Variants in SCMH1 observed in about 807,000 individuals in gnomAD.
SCMH1 encodes the protein polycomb protein SCMH1.
SCMH1 carries 37 observed loss-of-function variants against 70.8 expected under a neutral mutation model. The observed-to-expected ratio is 0.52, with a 90% CI of 0.40 to 0.69. The LOEUF (loss-of-function observed/expected upper bound fraction) is 0.69. SCMH1 is among the 30% of genes least tolerant of loss of function. The pLI, the probability that SCMH1 is intolerant of heterozygous loss-of-function variation, is 0.00. For missense variants in SCMH1, 607 were observed against 827.3 expected, an observed-to-expected ratio of 0.73 and a Z score of 3.27; for synonymous variants, 292 against 307.4, an observed-to-expected ratio of 0.95 and a Z score of 0.52.
chr1:41,041,421 A>T (rs1305469300), intron 12 of SCMH1: 1 of 151,282 alleles, frequency 6.6e-6, no homozygotes, highest in Non-Finnish European at 1.5e-5. Flanking sequence ...GTAGCTAAAA[A>T]TATTAGCAAC....
At chr1:41,154,690 T>A (rs1047605206) in intron 4 of SCMH1, among the ~76,000 whole-genome samples, 8 of 152,222 alleles carry the variant, frequency 5.3e-5, no homozygotes, top group African/African-American at 1.9e-4. Flanking sequence ...GAAAATCTCA[T>A]TCATCCTTGG....
intron 8 of SCMH1, among the ~76,000 whole-genome samples, chr1:41,110,311 C>G (rs1277255852): frequency 6.6e-6 from 1 of 152,200 alleles, no homozygotes; most frequent in Admixed American, 6.5e-5. Context: ...TAGATAATAG[C>G]TTTATTGACA....
At chr1:41,196,920 C>T (rs568836133) in intron 1 of SCMH1, among the ~76,000 whole-genome samples, 1 of 152,252 alleles carries the variant, frequency 6.6e-6, no homozygotes, top group Non-Finnish European at 1.5e-5. Context: ...AGAAGATATA[C>T]AGATGGCCAA....
At chr1:41,087,623 AC>A (rs1662109600) in intron 8 of SCMH1, among the ~76,000 whole-genome samples, 1 of 152,308 alleles carries the variant, frequency 6.6e-6, no homozygotes, top group African/African-American at 2.4e-5. Context: ...ACCAGTTCTC[AC>A]CCATCAGATT....
intron 1 of SCMH1, among the ~76,000 whole-genome samples, chr1:41,219,195 G>T (rs1189198053): frequency 6.6e-6 from 1 of 152,222 alleles, no homozygotes; most frequent in African/African-American, 2.4e-5. Context: ...CAATTCCATG[G>T]AAGGAGGGCA....
At chr1:41,119,454 A>AC (rs71062578) in intron 6 of SCMH1, among the ~76,000 whole-genome samples, 96,902 of 150,700 alleles carry the variant, frequency 0.64, 32,576 homozygotes, top group African/African-American at 0.84. Flanking sequence ...AAAAACAAAA[A>AC]AAAAAAAACC....
chr1:41,117,316 G>A (rs1364552444), intron 6 of SCMH1, among the ~76,000 whole-genome samples: 2 of 152,192 alleles, frequency 1.3e-5, no homozygotes, highest in Non-Finnish European at 2.9e-5. Flanking sequence ...GACATAGTGA[G>A]AAGTGACCAG....
intron 2 of SCMH1, among the ~76,000 whole-genome samples, chr1:41,183,465 C>T (rs1234085109): frequency 6.6e-6 from 1 of 152,140 alleles, no homozygotes. Context: ...TTCCCCTTTT[C>T]TCTATTTGGG....
At chr1:41,120,501 T>C (rs185234579) in intron 6 of SCMH1, among the ~76,000 whole-genome samples, 1 of 152,302 alleles carries the variant, frequency 6.6e-6, no homozygotes, top group African/African-American at 2.4e-5. Flanking sequence ...CCAAACTTTG[T>C]GGTTCTTTAC....
chr1:41,185,794 C>A (rs958329895), intron 2 of SCMH1, among the ~76,000 whole-genome samples: 29 of 152,008 alleles, frequency 1.9e-4, no homozygotes, highest in Non-Finnish European at 2.1e-4. Context: ...CGCCACCATG[C>A]CCACCAGTTT....
intron 2 of SCMH1, among the ~76,000 whole-genome samples, chr1:41,181,673 A>G (rs993723900): frequency 1.7e-4 from 26 of 152,298 alleles, no homozygotes; most frequent in African/African-American, 5.3e-4. Flanking sequence ...CAGTTAGAAT[A>G]GCAATCATTA....
intron 6 of SCMH1, among the ~76,000 whole-genome samples, chr1:41,138,195 T>A (rs536208454): frequency 6.6e-6 from 1 of 152,210 alleles, no homozygotes; most frequent in Non-Finnish European, 1.5e-5. Context: ...TGTAAAAGAC[T>A]TGGCTTTTTT....
At chr1:41,046,476 G>A (rs1646907112) in exon 12 of SCMH1, 1 of 1,614,090 alleles carries the variant, frequency 6.2e-7, no homozygotes, top group African/African-American at 1.3e-5. Flanking sequence ...TGTGTAAAGG[G>A]CTGGTTGCCA....
intron 6 of SCMH1, among the ~76,000 whole-genome samples, chr1:41,134,586 C>G (rs944669317): frequency 6.6e-6 from 1 of 152,214 alleles, no homozygotes; most frequent in Non-Finnish European, 1.5e-5. Context: ...TCTCAGGATA[C>G]AAAGTCAATA....
At chr1:41,226,447 A>G (rs1239120836) in intron 1 of SCMH1, among the ~76,000 whole-genome samples, 11 of 152,192 alleles carry the variant, frequency 7.2e-5, no homozygotes, top group African/African-American at 2.7e-4. Context: ...CATAAGGATT[A>G]CTTTTGTAAA....
chr1:41,183,999 A>C (rs951468925), intron 2 of SCMH1, among the ~76,000 whole-genome samples: 1 of 152,216 alleles, frequency 6.6e-6, no homozygotes, highest in Non-Finnish European at 1.5e-5. Context: ...AGATGAAAAA[A>C]GTTCTAGAGA....
At chr1:41,092,521 A>G (rs1663882025) in intron 8 of SCMH1, among the ~76,000 whole-genome samples, 1 of 152,204 alleles carries the variant, frequency 6.6e-6, no homozygotes, top group Admixed American at 6.5e-5. Flanking sequence ...AAATTGACAA[A>G]TGGGATCTAA....
intron 12 of SCMH1, among the ~76,000 whole-genome samples, chr1:41,039,453 A>G (rs1253300746): frequency 6.6e-6 from 1 of 151,972 alleles, no homozygotes; most frequent in African/African-American, 2.4e-5. Flanking sequence ...TTGGTAGGAC[A>G]GTGCCAGAAA....
chr1:41,239,618 C>T (rs1239295375), intron 1 of SCMH1, among the ~76,000 whole-genome samples: 1 of 152,186 alleles, frequency 6.6e-6, no homozygotes, highest in African/African-American at 2.4e-5. Context: ...CATAAGTGTA[C>T]AGTGAAGGTT....
Sources: allele counts gnomAD v4.1 joint callset (sites outside exome capture counted in the v4.1 genomes callset), GRCh38; gene constraint gnomAD v4.1.1; transcripts MANE v1.5; gene names NCBI Gene and HGNC (gene_info 2026-07-23, HGNC 2026-07-21).